The following NCKAP5L variants were observed in gnomAD, a reference collection of about 807,000 sequenced individuals.
The protein encoded by NCKAP5L is nck-associated protein 5-like.
A neutral mutation model predicts 103.2 loss-of-function variants in NCKAP5L; 54 were observed. The observed-to-expected ratio is 0.52, with a 90% confidence interval of 0.42 to 0.66. NCKAP5L has a LOEUF of 0.66. Ranked by LOEUF, NCKAP5L falls within the 30% of genes least tolerant of loss-of-function variation. The probability of loss-of-function intolerance (pLI) is 0.00; values close to 1 mark genes in which losing one functional copy is unlikely to be tolerated. For missense variants in NCKAP5L, 1,733 were observed against 1,750.6 expected (o/e 0.99, Z 0.18); for synonymous variants, 762 against 748.6 (o/e 1.02, Z -0.29).
intron 1 of NCKAP5L, among the ~76,000 whole-genome samples, chr12:49,823,871 C>T (rs533202859): frequency 1.3e-5 from 2 of 152,282 alleles, no homozygotes; most frequent in South Asian, 4.1e-4. Flanking sequence ...AGATGCCACA[C>T]CCCAGTGGTG....
intron 6 of NCKAP5L, 119 bp downstream of exon 6, chr12:49,801,729 G>A (rs1296406277): frequency 3.1e-6 from 4 of 1,274,706 alleles, no homozygotes; most frequent in Non-Finnish European, 4.4e-6. Context: ...CCCCAGAATG[G>A]AAGGTGGACA....
In NCKAP5L at chr12:49,795,293, G is replaced by A. The variant is rs373125097; in HGVS notation, c.2567C>T (p.Thr856Ile). Residue 856 changes from threonine (T) to isoleucine (I), a missense_variant, in exon 8 of 13, where the codon ACC (threonine) becomes ATC (isoleucine). Transcript: ENST00000335999. ...TACTAGGGGTGTGGACTGGGCCGTGGTACTACCACAGTCTGCCCAGGGAGG... is the reference window on the plus strand; with the variant it reads ...TACTAGGGGTGTGGACTGGGCCGTGATACTACCACAGTCTGCCCAGGGAGG... ...KGPPWADCGS[T>I]TAQSTPLVPG... 6.5e-7 allele frequency: 1 copy of A among 1,529,650 alleles called. No homozygotes were observed. Among genetic ancestry groups the A allele is most frequent in the Non-Finnish European group, 8.8e-7 (1 of 1,140,960 alleles). The allele number at this position is 1,529,650 out of a possible 1,614,324, so 94.8% of individuals were successfully genotyped here. A position where few individuals can be genotyped will look rare whatever the true frequency, so the allele number is the denominator to read the frequency against.
intron 10 of NCKAP5L, 64 bp from the exon 11 acceptor site, chr12:49,793,050 C>T (rs1238139307): frequency 5.5e-6 from 7 of 1,273,896 alleles, no homozygotes; most frequent in East Asian, 5.0e-5. Context: ...GGCCTGCCTC[C>T]ACTTCCCGCC....
intron 1 of NCKAP5L, among the ~76,000 whole-genome samples, chr12:49,827,921 G>T (rs527496705): frequency 2.0e-5 from 3 of 152,304 alleles, no homozygotes; most frequent in East Asian, 3.9e-4. Context: ...ACCCGGCACC[G>T]CTAAGCGGCA....
chr12:49,792,929 T>C lies in NCKAP5L; in HGVS notation c.3398A>G (p.Asp1133Gly), dbSNP rs1032099000. Reference sequence around the variant, plus strand: ...GCTGGGGGTCCCACTGCTACCATGGTCTGGGGGTGGGAAGGTCCCAATGCC... The same window carrying C: ...GCTGGGGGTCCCACTGCTACCATGGCCTGGGGGTGGGAAGGTCCCAATGCC... ...DSGIGTFPPP[D>G]HGSSGTPSKN... Residue 1133 changes from aspartate to glycine, a missense_variant, in exon 11 of 13, where the codon GAC (aspartate) becomes GGC (glycine). By Grantham distance (94) the Asp-to-Gly change is moderately conservative (BLOSUM62 -1). Coordinates refer to ENST00000335999, the MANE Select transcript of NCKAP5L (RefSeq NM_001037806.4). This position sits in a 1 kb window ranked among gnomAD's most constrained non-coding sequence, Gnocchi z 4.5. 1.3e-6 allele frequency: 2 copies of C among 1,555,334 alleles called. No individual in the cohort carries two copies. Among genetic ancestry groups the C allele is most frequent in the Non-Finnish European group, 1.7e-6 (2 of 1,158,492 alleles).
intron 3 of NCKAP5L, among the ~76,000 whole-genome samples, chr12:49,803,602 G>A (rs2720291): frequency 0.47 from 70,767 of 151,886 alleles, 17,292 homozygotes; most frequent in East Asian, 0.65. Context: ...TCTTCCTCTT[G>A]TGGCCTCTGA....
intron 1 of NCKAP5L, among the ~76,000 whole-genome samples, chr12:49,814,117 A>C (rs1397271296): frequency 6.6e-6 from 1 of 151,250 alleles, no homozygotes; most frequent in Non-Finnish European, 1.5e-5. Flanking sequence ...CCTAGTTTTC[A>C]GAATTCTTTA....
At chr12:49,814,266 C>T (rs966573791) in intron 1 of NCKAP5L, among the ~76,000 whole-genome samples, 5 of 150,252 alleles carry the variant, frequency 3.3e-5, no homozygotes, top group East Asian at 1.9e-4. Flanking sequence ...GGGCGGATCA[C>T]GAGGTCAGAA....
Position 49,791,619 on chromosome 12 carries a change from G to T in NCKAP5L, c.*220C>A. The T allele has an allele frequency of 2.2e-6, 1 of 452,212 alleles. No homozygotes were observed. Among genetic ancestry groups the T allele is most frequent in the Non-Finnish European group, 3.9e-6 (1 of 256,396 alleles). 28.0% of individuals were successfully genotyped at this position (452,212 alleles called of 1,614,324 possible). ...AAGAGCCTTACTCTGGGTGAGAGAAGGGACCAAGGGCGGGGTCTCTCCCTG... is the reference window on the plus strand; with the variant it reads ...AAGAGCCTTACTCTGGGTGAGAGAATGGACCAAGGGCGGGGTCTCTCCCTG... On this transcript the variant is annotated 3_prime_UTR_variant, in exon 13 of 13. Coordinates refer to ENST00000335999, the MANE Select transcript of NCKAP5L (RefSeq NM_001037806.4).
At chr12:49,814,160 T>TTA (rs141969862) in intron 1 of NCKAP5L, among the ~76,000 whole-genome samples, 2,708 of 124,588 alleles carry the variant, frequency 0.022, 38 homozygotes, top group African/African-American at 0.043. Context: ...TATTTTATAT[T>TTA]TATATATATA....
chr12:49,821,017 C>G (rs1946355442), intron 1 of NCKAP5L, among the ~76,000 whole-genome samples: 1 of 152,176 alleles, frequency 6.6e-6, no homozygotes, highest in South Asian at 2.1e-4. Context: ...AGGACTGCAG[C>G]TGAGGAGCCA....
intron 1 of NCKAP5L, among the ~76,000 whole-genome samples, chr12:49,815,726 G>C (rs1372169746): frequency 6.6e-6 from 1 of 152,120 alleles, no homozygotes; most frequent in African/African-American, 2.4e-5. Flanking sequence ...CTGACCTCAA[G>C]AGCTCCACCC....
In NCKAP5L at chr12:49,796,639, G is replaced by A; in HGVS notation, c.1221C>T (p.Ser407=). Residue 407 remains serine, a synonymous_variant, in exon 8 of 13, where the codon AGC becomes AGT. Transcript: ENST00000335999. ...GGGCATCCCCAGCACCCATGAACAT[G>A]CTAAGGAAGGGGAGGGGCCCCTGGC... is the stretch of plus-strand genomic sequence containing the variant. ...SEGQGPLPFL[S]MFMGAGDAPL... 1 of 1,587,570 alleles carries A rather than the reference G, an allele frequency of 6.3e-7. No individual in the cohort carries two copies. The highest frequency in any genetic ancestry group is 1.8e-5 in the Admixed American group (1 of 55,328).
In NCKAP5L at chr12:49,797,359, T is replaced by C. The variant is rs767617044; in HGVS notation, c.501A>G (p.Pro167=). The change falls in exon 8 of 13, where the codon CCA becomes CCG. Residue 167 remains proline (P), a synonymous_variant. Coordinates refer to ENST00000335999, the MANE Select transcript of NCKAP5L (RefSeq NM_001037806.4). The surrounding 1 kb of genome is among the most constrained non-coding windows in gnomAD (Gnocchi z 4.5). ...CWEQQLRPGG[P]GPPAAPPPAL... ...CTGGGGGTGGGGCGGCTGGGGGGCC[T>C]GGGCCTCCTGGCCTCAGCTGCTGCT... is the stretch of plus-strand genomic sequence containing the variant. 3.7e-6 allele frequency: 6 copies of C among 1,609,560 alleles called. No homozygotes were observed. In the African/African-American group the frequency reaches 8.0e-5, roughly 22 times the overall value.
intron 6 of NCKAP5L, among the ~76,000 whole-genome samples, chr12:49,800,582 G>C (rs1229958585): frequency 6.6e-6 from 1 of 152,206 alleles, no homozygotes; most frequent in Non-Finnish European, 1.5e-5. Context: ...TCATCTCATT[G>C]AATCTTCACG....
At chr12:49,821,406 T>C (rs1946360686) in intron 1 of NCKAP5L, among the ~76,000 whole-genome samples, 1 of 152,206 alleles carries the variant, frequency 6.6e-6, no homozygotes, top group Non-Finnish European at 1.5e-5. Context: ...GGGGGTCTCC[T>C]GTCTTGGACA....
At chr12:49,809,083 G>A (rs1946212044) in intron 1 of NCKAP5L, among the ~76,000 whole-genome samples, 1 of 152,056 alleles carries the variant, frequency 6.6e-6, no homozygotes, top group Non-Finnish European at 1.5e-5. Flanking sequence ...GCCGAGGAAG[G>A]AGGAAACTTG....
At chr12:49,800,503 A>G (rs952694737) in intron 6 of NCKAP5L, among the ~76,000 whole-genome samples, 1 of 152,270 alleles carries the variant, frequency 6.6e-6, no homozygotes, top group African/African-American at 2.4e-5. Context: ...CTAGCAAAGC[A>G]CAAGCTGGGA....
At chr12:49,802,864 G>A in intron 5 of NCKAP5L, 94 bp downstream of exon 5, 1 of 1,411,268 alleles carries the variant, frequency 7.1e-7, no homozygotes, top group Non-Finnish European at 9.6e-7. Context: ...AATCACTGGA[G>A]GGCAACAGCC....
Sources: gnomAD v4.1 joint callset for allele counts (sites outside exome capture counted in the v4.1 genomes callset) on GRCh38, gnomAD v4.1.1 for gene constraint, Gnocchi (gnomAD v3.1) non-coding constraint, MANE v1.5 for transcripts, NCBI Gene and HGNC (gene_info 2026-07-23, HGNC 2026-07-21) for gene names.